The following CKAP5 variants were observed in gnomAD, a reference collection of about 807,000 sequenced individuals.
CKAP5 encodes the protein cytoskeleton-associated protein 5.
In CKAP5, 27 loss-of-function variants were observed where a neutral mutation model predicts 232.8. The ratio of observed to expected loss-of-function variants is 0.12; its 90% CI spans 0.09 to 0.16. CKAP5 has a LOEUF of 0.16. CKAP5 is among the 10% of genes least tolerant of loss of function. CKAP5 has a pLI of 1.00. For missense variants in CKAP5, 1,838 were observed against 2,424.7 expected, an observed-to-expected ratio of 0.76 and a Z score of 5.08; for synonymous variants, 785 against 841.1, an observed-to-expected ratio of 0.93 and a Z score of 1.16.
intron 1 of CKAP5, among the ~76,000 whole-genome samples, chr11:46,829,097 T>C (rs1459435566): frequency 6.6e-6 from 1 of 152,166 alleles, no homozygotes; most frequent in East Asian, 1.9e-4. Flanking sequence ...AAACAAAAGA[T>C]GATATGGAAG....
intron 29 of CKAP5, 61 bp from the exon 30 acceptor site, chr11:46,763,240 AG>A (rs2065171124): frequency 7.5e-7 from 1 of 1,334,456 alleles, no homozygotes; most frequent in Non-Finnish European, 1.0e-6. Context: ...TAATTCTACT[AG>A]GCAAGTGTCT....
rs534422454 is a variant in CKAP5, at chr11:46,832,152, G to A, written c.-37-10884C>T. On this transcript the variant is annotated intron_variant, in intron 1 of 43. Transcript: ENST00000529230. Reference sequence around the variant, plus strand: ...TGGGATTACAGGCATGAACCACTGCGCCTGGTCTTATAAAGAAAATTTTGT... The same window carrying A: ...TGGGATTACAGGCATGAACCACTGCACCTGGTCTTATAAAGAAAATTTTGT... Among the ~76,000 whole-genome samples the A allele has an allele frequency of 7.2e-5, 11 of 152,128 alleles. 1 individual carries two copies. The South Asian group carries it at 1.5e-3, about 20-fold the overall frequency.
chr11:46,749,680 G>A (rs535356733), intron 42 of CKAP5, among the ~76,000 whole-genome samples: 6 of 151,904 alleles, frequency 3.9e-5, no homozygotes, highest in South Asian at 2.1e-4. Context: ...GAGGCCAGGC[G>A]CAGTGGCTCA....
chr11:46,765,378 T>A, intron 27 of CKAP5, 122 bp from the exon 28 acceptor site: 1 of 873,118 alleles, frequency 1.1e-6, no homozygotes, highest in Non-Finnish European at 1.6e-6. Flanking sequence ...ATATTTCACA[T>A]GAAAAAAACA....
chr11:46,747,101 T>C (rs934889560), intron 42 of CKAP5, among the ~76,000 whole-genome samples: 1 of 151,930 alleles, frequency 6.6e-6, no homozygotes, highest in East Asian at 2.0e-4. Context: ...CGTCACTGCA[T>C]TCCAGCCTGG....
At chr11:46,788,292 A>C (rs1411633774) in intron 16 of CKAP5, among the ~76,000 whole-genome samples, 1 of 152,202 alleles carries the variant, frequency 6.6e-6, no homozygotes, top group African/African-American at 2.4e-5. Context: ...AATCATTACC[A>C]AGCTGGGCGC....
At chr11:46,802,722 T>C (rs78970501) in intron 8 of CKAP5, among the ~76,000 whole-genome samples, 3,429 of 152,268 alleles carry the variant, frequency 0.023, 128 homozygotes, top group African/African-American at 0.078. Flanking sequence ...GTCCCTACAA[T>C]GTGGTGTTCC....
chr11:46,770,442 T>C (rs2065237944), intron 25 of CKAP5, among the ~76,000 whole-genome samples: 1 of 152,246 alleles, frequency 6.6e-6, no homozygotes, highest in African/African-American at 2.4e-5. Context: ...AATATATATA[T>C]ATTTTTAAGA....
At chr11:46,789,393 G>A (rs985733440) in intron 15 of CKAP5, among the ~76,000 whole-genome samples, 1 of 152,186 alleles carries the variant, frequency 6.6e-6, no homozygotes, top group Non-Finnish European at 1.5e-5. Context: ...TTCTACCAAG[G>A]AATCATGATG....
intron 34 of CKAP5, 67 bp downstream of exon 34, chr11:46,759,202 G>T: frequency 6.5e-7 from 1 of 1,533,362 alleles, no homozygotes; most frequent in Non-Finnish European, 8.9e-7. Context: ...ATTACAAAGG[G>T]CACATTTCAC....
chr11:46,779,318 A>C lies in CKAP5; in HGVS notation c.2434-719T>G, dbSNP rs1444653321. ...CGGCTGACTTTTGTATTTTTAGTAG[A>C]GATGGAGTTTTGCCATGTTGGCCAG... On this transcript the variant is annotated intron_variant, in intron 20 of 43. Transcript: ENST00000529230. Among the ~76,000 whole-genome samples, 3 of 152,116 alleles carry C rather than the reference A, an allele frequency of 2.0e-5. No homozygotes were observed. In the East Asian group the frequency reaches 5.8e-4, roughly 29 times the overall value.
intron 4 of CKAP5, 102 bp from the exon 5 acceptor site, chr11:46,811,280 A>C: frequency 2.2e-6 from 2 of 918,876 alleles, no homozygotes; most frequent in Non-Finnish European, 3.1e-6. Context: ...ACATATTAGA[A>C]GAATTATATA....
intron 4 of CKAP5, among the ~76,000 whole-genome samples, chr11:46,814,823 C>A (rs1939361465): frequency 6.6e-6 from 1 of 152,188 alleles, no homozygotes; most frequent in Non-Finnish European, 1.5e-5. Flanking sequence ...TCTTTAAAGG[C>A]ATATAGCATT....
At chr11:46,744,598 A>T in intron 42 of CKAP5, 21 bp from the exon 43 acceptor site, 1 of 1,609,862 alleles carries the variant, frequency 6.2e-7, no homozygotes, top group South Asian at 1.1e-5. Context: ...AAAAGTAGAA[A>T]GAATATTCAG....
chr11:46,809,297 G>A (rs7108147), intron 7 of CKAP5, 103 bp downstream of exon 7: 69,710 of 707,254 alleles, frequency 0.099, 5,307 homozygotes, highest in African/African-American at 0.32. Context: ...GAAGATATGG[G>A]ATGGAAGGGG....
intron 20 of CKAP5, among the ~76,000 whole-genome samples, chr11:46,779,667 T>G (rs2065322282): frequency 6.6e-6 from 1 of 152,104 alleles, no homozygotes; most frequent in Non-Finnish European, 1.5e-5. Flanking sequence ...TGGCCTAGGC[T>G]TGAGTACAGT....
At chr11:46,762,243 G>C (rs1045457954) in intron 31 of CKAP5, 50 bp from the exon 32 acceptor site, 20 of 1,558,914 alleles carry the variant, frequency 1.3e-5, no homozygotes, top group Admixed American at 1.0e-4. Flanking sequence ...ATTTGGGACA[G>C]AGACTTATCC....
intron 15 of CKAP5, 137 bp from the exon 16 acceptor site, chr11:46,788,910 T>A: frequency 1.6e-6 from 1 of 642,408 alleles, no homozygotes; most frequent in Non-Finnish European, 2.7e-6. Flanking sequence ...TGAGGGAGCT[T>A]ATATAGCTTC....
chr11:46,755,036 G>C lies in CKAP5; in HGVS notation c.4721C>G (p.Ala1574Gly). 1 of 1,613,106 alleles carries C rather than the reference G, an allele frequency of 6.2e-7. No individual in the cohort carries two copies. Among genetic ancestry groups the C allele is most frequent in the Non-Finnish European group, 8.5e-7 (1 of 1,179,684 alleles). The change falls in exon 36 of 44, where the codon GCT (alanine) becomes GGT (glycine). Residue 1574 changes from alanine to glycine, a missense_variant. Around this residue, in one of 6 missense-constraint regions of CKAP5, gnomAD observed 579 missense variants for 843.2 expected, o/e 0.69. Coordinates refer to ENST00000529230, the MANE Select transcript of CKAP5 (RefSeq NM_001008938.4). ...ATCAATATGGCCGGACATGGCTTCA[G>C]CTTTGTCTTCCTGTCTCAGGACCTC... Reference protein sequence around the residue: ...IDEVLRQEDKAEAMSGHIDQF... With the variant: ...IDEVLRQEDKGEAMSGHIDQF...
Sources: gnomAD v4.1 joint callset for allele counts (sites outside exome capture counted in the v4.1 genomes callset) on GRCh38, gnomAD v4.1.1 for gene constraint, gnomAD v4.1.1 regional missense constraint, MANE v1.5 for transcripts, NCBI Gene and HGNC (gene_info 2026-07-23, HGNC 2026-07-21) for gene names.